Variants in PTPN14 observed in about 807,000 individuals in gnomAD.
PTPN14 encodes the protein protein tyrosine phosphatase non-receptor type 14.
In PTPN14, 53 loss-of-function variants were observed where a neutral mutation model predicts 126.8. That is an observed-to-expected ratio of 0.42 (90% CI 0.34 to 0.53). The LOEUF (loss-of-function observed/expected upper bound fraction) is 0.53, where lower values mean the gene tolerates loss of function less well. Among genes scored for constraint, PTPN14 ranks in the 20% least tolerant of loss-of-function variants. PTPN14 has a pLI of 0.08. For missense variants in PTPN14, 1,257 were observed against 1,552.9 expected (o/e 0.81, Z 3.20); for synonymous variants, 630 against 599.3 (o/e 1.05, Z -0.75).
intron 1 of PTPN14, among the ~76,000 whole-genome samples, chr1:214,489,658 A>G (rs1308060939): frequency 5.9e-5 from 9 of 152,142 alleles, no homozygotes. Flanking sequence ...TGCAGTCATG[A>G]GCTGCTCAAG....
chr1:214,498,380 G>A (rs2102427322), intron 1 of PTPN14, among the ~76,000 whole-genome samples: 1 of 152,280 alleles, frequency 6.6e-6, no homozygotes, highest in Non-Finnish European at 1.5e-5. Flanking sequence ...AAGGTTTCAT[G>A]GAAGAAGGCA....
In PTPN14 at chr1:214,348,900, G is replaced by C. The variant is rs1439045607; in HGVS notation, c.*9022C>G. 3.3e-5 allele frequency: 5 copies of C among 152,126 alleles called. No individual in the cohort carries two copies. The highest frequency in any genetic ancestry group is 1.2e-4 in the African/African-American group (5 of 41,410). The allele number at this position is 152,126 out of a possible 1,614,324, so 9.4% of individuals were successfully genotyped here. On this transcript the variant is annotated 3_prime_UTR_variant, in exon 19 of 19. Coordinates refer to ENST00000366956, the MANE Select transcript of PTPN14 (RefSeq NM_005401.5). ...GATAGGAAACAGTGCAAAAAATACT[G>C]TCAAAGTCAGTTCTATACACCTCAT... is the stretch of plus-strand genomic sequence containing the variant.
chr1:214,465,482 A>G (rs191601498), intron 1 of PTPN14, among the ~76,000 whole-genome samples: 1 of 152,242 alleles, frequency 6.6e-6, no homozygotes, highest in African/African-American at 2.4e-5. Context: ...TTAGCCAGGC[A>G]TGATGGCGTG....
chr1:214,501,722 G>A (rs1654704398), intron 1 of PTPN14, among the ~76,000 whole-genome samples: 1 of 152,130 alleles, frequency 6.6e-6, no homozygotes, highest in Admixed American at 6.5e-5. Context: ...GTAGTATAGA[G>A]AAAAACCAAG....
At position 214,393,751 on chromosome 1, in the gene PTPN14, A is replaced by G; in HGVS notation, c.873T>C (p.Ile291=). The change falls in exon 10 of 19, where the codon ATT becomes ATC. Residue 291 remains isoleucine, a synonymous_variant. Transcript: ENST00000366956. ...HTDDIENAKY[I]SRLFATRHKF... is the part of the protein sequence containing the mutation. Reference sequence around the variant, plus strand: ...TGTGTCGTGTGGCAAACAACCGAGAAATATACTTGGCATTTTCGATATCAT... The same window carrying G: ...TGTGTCGTGTGGCAAACAACCGAGAGATATACTTGGCATTTTCGATATCAT... 1 of 1,602,554 alleles carries G rather than the reference A, an allele frequency of 6.2e-7. No homozygotes were observed. Among genetic ancestry groups the G allele is most frequent in the South Asian group, 1.1e-5 (1 of 90,798 alleles).
chr1:214,361,551 A>G (rs146583060), intron 18 of PTPN14, among the ~76,000 whole-genome samples: 13 of 152,336 alleles, frequency 8.5e-5, no homozygotes, highest in African/African-American at 2.9e-4. Flanking sequence ...AAAGCAGTTG[A>G]CAATTGCTCA....
chr1:214,392,195 AGAGAGAGAGAGAGC>A (rs1408940288), intron 10 of PTPN14, among the ~76,000 whole-genome samples: 1 of 151,342 alleles, frequency 6.6e-6, no homozygotes, highest in Non-Finnish European at 1.5e-5. Context: ...AGAGAGAGAA[AGAGAGAGAGAGAGC>A]GAGAGAGAGT....
chr1:214,470,024 T>C (rs1484926182), intron 1 of PTPN14, among the ~76,000 whole-genome samples: 1 of 152,104 alleles, frequency 6.6e-6, no homozygotes, highest in Non-Finnish European at 1.5e-5. Flanking sequence ...TTTATAGAAA[T>C]TAAAGAAACT....
intron 1 of PTPN14, among the ~76,000 whole-genome samples, chr1:214,493,361 G>A (rs895674477): frequency 6.6e-6 from 1 of 152,140 alleles, no homozygotes; most frequent in Non-Finnish European, 1.5e-5. Context: ...CTCCACGGTG[G>A]TTGTACTAAT....
chr1:214,483,580 C>T (rs138963979), intron 1 of PTPN14, among the ~76,000 whole-genome samples: 35 of 152,298 alleles, frequency 2.3e-4, no homozygotes, highest in African/African-American at 6.5e-4. Flanking sequence ...TATTTACAGA[C>T]TCTACTGCTA....
In PTPN14 at chr1:214,374,542, A is replaced by G. The variant is rs142619864; in HGVS notation, c.2907+1677T>C. 9.3e-3 allele frequency among the ~76,000 whole-genome samples: 1,416 copies of G among 152,366 alleles called. 24 individuals carry two copies. The highest frequency in any genetic ancestry group is 0.032 in the African/African-American group (1,348 of 41,584). On this transcript the variant is annotated intron_variant, in intron 15 of 18. Coordinates refer to ENST00000366956, the MANE Select transcript of PTPN14 (RefSeq NM_005401.5). ...AAAAACACAACAAGCAGTGCTGCTG[A>G]GGTAGATTTCACACATGTGATTCCA...
intron 16 of PTPN14, among the ~76,000 whole-genome samples, chr1:214,372,017 A>T (rs1233902671): frequency 6.6e-6 from 1 of 152,208 alleles, no homozygotes; most frequent in Non-Finnish European, 1.5e-5. Context: ...GAAAGAAATA[A>T]AAGAAGGTGG....
At chr1:214,396,043 T>C (rs1658870889) in intron 8 of PTPN14, among the ~76,000 whole-genome samples, 1 of 152,110 alleles carries the variant, frequency 6.6e-6, no homozygotes, top group Non-Finnish European at 1.5e-5. Context: ...CCATACCCGG[T>C]GCAGGGATTC....
intron 1 of PTPN14, among the ~76,000 whole-genome samples, chr1:214,491,800 C>G (rs1467120177): frequency 1.3e-5 from 2 of 152,156 alleles, no homozygotes; most frequent in African/African-American, 4.8e-5. Flanking sequence ...TTGGGGAAAT[C>G]TTTCCCCAAG....
chr1:214,398,495 G>A (rs1429047916), intron 7 of PTPN14, among the ~76,000 whole-genome samples: 1 of 152,132 alleles, frequency 6.6e-6, no homozygotes, highest in African/African-American at 2.4e-5. Flanking sequence ...TGCCCAGGGT[G>A]GAGAGCAGTG....
At chr1:214,368,605 A>T (rs1431396068) in intron 17 of PTPN14, among the ~76,000 whole-genome samples, 1 of 152,182 alleles carries the variant, frequency 6.6e-6, no homozygotes, top group Non-Finnish European at 1.5e-5. Flanking sequence ...AGTGGCATTA[A>T]GCATAGTCAT....
intron 5 of PTPN14, among the ~76,000 whole-genome samples, chr1:214,409,359 A>G (rs1353290686): frequency 1.3e-5 from 2 of 152,226 alleles, no homozygotes; most frequent in African/African-American, 2.4e-5. Context: ...TTTTTCACTT[A>G]GCATAATGTA....
At chr1:214,456,165 A>G (rs1054471148) in intron 2 of PTPN14, among the ~76,000 whole-genome samples, 1 of 152,206 alleles carries the variant, frequency 6.6e-6, no homozygotes. Flanking sequence ...GCAATTACCA[A>G]GGATTAAAGC....
rs139805208 is a variant in PTPN14, at chr1:214,491,684, G to A, written c.-154-26727C>T. Among the ~76,000 whole-genome samples the A allele has an allele frequency of 2.2e-4, 33 of 152,252 alleles. No individual in the cohort carries two copies. In the East Asian group the frequency reaches 5.6e-3, roughly 26 times the overall value. ...GGACTGGTACTGGTCTGGGACCCCT[G>A]TGATAAAGCACAACTGGATGGCCCT... On this transcript the variant is annotated intron_variant, in intron 1 of 18. Transcript: ENST00000366956.
Sources: allele counts gnomAD v4.1 joint callset (sites outside exome capture counted in the v4.1 genomes callset), GRCh38; gene constraint gnomAD v4.1.1; transcripts MANE v1.5; gene names NCBI Gene and HGNC (gene_info 2026-07-23, HGNC 2026-07-21).